The following ZKSCAN2 variants were observed in gnomAD, a reference collection of about 807,000 sequenced individuals.
ZKSCAN2 encodes the protein zinc finger protein with KRAB and SCAN domains 2.
Under a neutral mutation model 90.5 loss-of-function variants are expected in ZKSCAN2, and 38 were observed. That is an observed-to-expected ratio of 0.42 (90% CI 0.32 to 0.55). The LOEUF is 0.55. Ranked by LOEUF, ZKSCAN2 falls within the 20% of genes least tolerant of loss-of-function variation. ZKSCAN2 has a pLI of 0.11. For missense variants in ZKSCAN2, 1,167 were observed against 1,202.6 expected (o/e 0.97, Z 0.44); for synonymous variants, 429 against 421.6 (o/e 1.02, Z -0.22).
chr16:25,255,251 C>G lies in ZKSCAN2; in HGVS notation c.541G>C (p.Glu181Gln), dbSNP rs752627095. The change falls in exon 2 of 7, where the codon GAA becomes CAA. Residue 181 changes from glutamate (E) to glutamine (Q), a missense_variant. Transcript: ENST00000328086. ...CGTTCTCGCTTTCGGTTCAGCTGTT[C>G]CTGGTGTCCTGAGTGGAGGCTTCCA... ...EPGSLHSGHQ[E>Q]QLNRKRERRP... 1 of 1,610,900 alleles carries G rather than the reference C, an allele frequency of 6.2e-7. No individual in the cohort carries two copies. Among genetic ancestry groups the G allele is most frequent in the Non-Finnish European group, 8.5e-7 (1 of 1,179,346 alleles).
Position 25,257,404 on chromosome 16 carries a change from A to T in ZKSCAN2, c.-277T>A, listed in dbSNP as rs765967392. The T allele has an allele frequency of 2.8e-5, 32 of 1,152,752 alleles. No homozygotes were observed. Among genetic ancestry groups the T allele is most frequent in the Non-Finnish European group, 3.3e-5 (31 of 938,688 alleles). 71.4% of individuals were successfully genotyped at this position (1,152,752 alleles called of 1,614,324 possible). A position where few individuals can be genotyped will look rare whatever the true frequency, so the allele number is the denominator to read the frequency against. ...CCAGAGTGCATCCCTCTTAGTGCAA[A>T]GTCGGAAACCGGGAGGCTGGACGAC... On this transcript the variant is annotated 5_prime_UTR_variant, in exon 1 of 7. Coordinates refer to ENST00000328086, the MANE Select transcript of ZKSCAN2 (RefSeq NM_001012981.5).
chr16:25,247,520 T>C, intron 4 of ZKSCAN2, 130 bp from the exon 5 acceptor site: 1 of 688,524 alleles, frequency 1.5e-6, no homozygotes, highest in Admixed American at 2.9e-5. Context: ...ACACTGCACA[T>C]TTATTTTTAC....
At chr16:25,243,330 G>A (rs905581098) in intron 6 of ZKSCAN2, among the ~76,000 whole-genome samples, 6 of 152,106 alleles carry the variant, frequency 3.9e-5, no homozygotes, top group Non-Finnish European at 7.4e-5. Flanking sequence ...CATGAGAACA[G>A]GAACTTTGTT....
At chr16:25,242,567 T>G (rs1962870358) in intron 6 of ZKSCAN2, among the ~76,000 whole-genome samples, 1 of 151,868 alleles carries the variant, frequency 6.6e-6, no homozygotes, top group South Asian at 2.1e-4. Context: ...ACAGACAAAG[T>G]ATGGGAGGTG....
intron 5 of ZKSCAN2, 138 bp downstream of exon 5, chr16:25,246,569 G>T: frequency 2.4e-6 from 2 of 843,994 alleles, no homozygotes; most frequent in Non-Finnish European, 1.9e-6. Context: ...GAGTACTTCA[G>T]TGATGTGGCC....
intron 5 of ZKSCAN2, among the ~76,000 whole-genome samples, chr16:25,245,277 T>A (rs905101714): frequency 2.6e-5 from 4 of 152,108 alleles, no homozygotes; most frequent in African/African-American, 9.7e-5. Flanking sequence ...GCTAATTGTT[T>A]TATTTTTTGT....
chr16:25,257,537 C>T lies in ZKSCAN2; in HGVS notation c.-410G>A. ...GGTCGGGCGCGGAGAGGCGAGTCCC[C>T]GAGTGGGTGGGGCCGGATGTGCAGG... On this transcript the variant is annotated 5_prime_UTR_variant, in exon 1 of 7. Coordinates refer to ENST00000328086, the MANE Select transcript of ZKSCAN2 (RefSeq NM_001012981.5). 1.0e-6 allele frequency: 1 copy of T among 987,928 alleles called. No individual in the cohort carries two copies. The highest frequency in any genetic ancestry group is 1.2e-6 in the Non-Finnish European group (1 of 831,708). The allele number at this position is 987,928 out of a possible 1,614,324, so 61.2% of individuals were successfully genotyped here.
chr16:25,256,991 T>G lies in ZKSCAN2; in HGVS notation c.137A>C (p.Lys46Thr). 6.2e-7 allele frequency: 1 copy of G among 1,614,204 alleles called. No homozygotes were observed. Among genetic ancestry groups the G allele is most frequent in the Non-Finnish European group, 8.5e-7 (1 of 1,180,026 alleles). The change falls in exon 1 of 7, where the codon AAA (lysine) becomes ACA (threonine). Residue 46 changes from lysine to threonine, a missense_variant. Physicochemically the swap from Lys to Thr is moderately conservative, Grantham distance 78. Coordinates refer to ENST00000328086, the MANE Select transcript of ZKSCAN2 (RefSeq NM_001012981.5). ...CTCATAACAGAATTGCCTGAAGCATTTGCGGAAGGTCTCAGAGCTATCCGA... is the reference window on the plus strand; with the variant it reads ...CTCATAACAGAATTGCCTGAAGCATGTGCGGAAGGTCTCAGAGCTATCCGA... The part of the protein sequence containing the change: ...EGSDSSETFR[K>T]CFRQFCYEDV...
chr16:25,240,061 A>G lies in ZKSCAN2; in HGVS notation c.2659T>C (p.Tyr887His). 6.2e-7 allele frequency: 1 copy of G among 1,614,076 alleles called. No individual in the cohort carries two copies. Among genetic ancestry groups the G allele is most frequent in the Non-Finnish European group, 8.5e-7 (1 of 1,179,988 alleles). Residue 887 changes from tyrosine to histidine, a missense_variant, in exon 7 of 7, where the codon TAC becomes CAC. Tyr to His is a moderately conservative substitution (Grantham distance 83). Coordinates refer to ENST00000328086, the MANE Select transcript of ZKSCAN2 (RefSeq NM_001012981.5). The stretch of plus-strand genomic sequence containing the variant: ...CTTTTTTCACAGTCCACACATTTGT[A>G]GGGATTCTCCCCAGTGTGAACTCTC... ...HRRVHTGENP[Y>H]KCVDCEKSFN...
At chr16:25,255,144 G>T in intron 2 of ZKSCAN2, 62 bp downstream of exon 2, 1 of 1,511,916 alleles carries the variant, frequency 6.6e-7, no homozygotes. Context: ...TCACAGCGTT[G>T]GGGTACTGCG....
Position 25,257,591 on chromosome 16 carries a change from G to C in ZKSCAN2, c.-464C>G. 1 of 850,232 alleles carries C rather than the reference G, an allele frequency of 1.2e-6. No individual in the cohort carries two copies. Among genetic ancestry groups the C allele is most frequent in the Non-Finnish European group, 1.4e-6 (1 of 706,572 alleles). 52.7% of individuals were successfully genotyped at this position (850,232 alleles called of 1,614,324 possible). A position where few individuals can be genotyped will look rare whatever the true frequency, so the allele number is the denominator to read the frequency against. On this transcript the variant is annotated 5_prime_UTR_variant, in exon 1 of 7. Coordinates refer to ENST00000328086, the MANE Select transcript of ZKSCAN2 (RefSeq NM_001012981.5). ...CGCCCGGCGCCAGGTTCCGGGCTCGGGTCACCGCAGCACGTCCAGGCCGCC... is the reference window on the plus strand; with the variant it reads ...CGCCCGGCGCCAGGTTCCGGGCTCGCGTCACCGCAGCACGTCCAGGCCGCC...
rs544640469 is a variant in ZKSCAN2, at chr16:25,244,009, C to T, written c.1757G>A (p.Arg586Gln). 9.3e-6 allele frequency: 15 copies of T among 1,614,082 alleles called. No homozygotes were observed. Among genetic ancestry groups the T allele is most frequent in the Middle Eastern group, 1.6e-4 (1 of 6,062 alleles). Reference protein sequence around the residue: ...YKEMDALINSRASAPSPSTPE... With the variant: ...YKEMDALINSQASAPSPSTPE... ...GGTGCTGGGGGAAGGAGCAGATGCCCGAGAGTTAATCAGGGCATCCATCTC... is the reference window on the plus strand; with the variant it reads ...GGTGCTGGGGGAAGGAGCAGATGCCTGAGAGTTAATCAGGGCATCCATCTC... The change falls in exon 6 of 7, where the codon CGG (arginine) becomes CAG (glutamine). Residue 586 changes from arginine to glutamine, a missense_variant. Transcript: ENST00000328086.
intron 5 of ZKSCAN2, 75 bp from the exon 6 acceptor site, chr16:25,244,351 A>C (rs927527659): frequency 6.7e-7 from 1 of 1,486,834 alleles, no homozygotes; most frequent in Non-Finnish European, 9.0e-7. Context: ...TACATTAAGA[A>C]ATGTAGAGGT....
At chr16:25,256,131 C>T (rs369759584) in intron 1 of ZKSCAN2, among the ~76,000 whole-genome samples, 19 of 152,182 alleles carry the variant, frequency 1.2e-4, no homozygotes, top group Middle Eastern at 3.4e-3. Context: ...AAGGTGAAAC[C>T]GCAAATCTTG....
In ZKSCAN2 at chr16:25,240,005, A is replaced by T; in HGVS notation, c.2715T>A (p.His905Gln). The change falls in exon 7 of 7, where the codon CAT becomes CAA. Residue 905 changes from histidine (H) to glutamine (Q), a missense_variant. His to Gln is a conservative substitution (Grantham distance 24, BLOSUM62 0). Coordinates refer to ENST00000328086, the MANE Select transcript of ZKSCAN2 (RefSeq NM_001012981.5). ...SFNNCTRFRE[H>Q]RRIHTGEKPY... ...GCTTCTCTCCAGTGTGTATTCTCCG[A>T]TGTTCTCGAAATCTCGTACAGTTAT... 1 of 1,614,022 alleles carries T rather than the reference A, an allele frequency of 6.2e-7. No individual in the cohort carries two copies. Among genetic ancestry groups the T allele is most frequent in the African/African-American group, 1.3e-5 (1 of 75,006 alleles).
intron 4 of ZKSCAN2, among the ~76,000 whole-genome samples, chr16:25,248,711 G>C (rs1409589508): frequency 6.6e-6 from 1 of 152,146 alleles, no homozygotes. Context: ...CTGTGAATTG[G>C]GAAGAGTCAT....
rs751182407 is a variant in ZKSCAN2, at chr16:25,255,227, G to A, written c.565C>T (p.Arg189Cys). 3.7e-5 allele frequency: 60 copies of A among 1,608,066 alleles called. No homozygotes were observed. The highest frequency in any genetic ancestry group is 4.8e-5 in the Non-Finnish European group (57 of 1,178,362). The change falls in exon 2 of 7, where the codon CGT becomes TGT. Residue 189 changes from arginine to cysteine, a missense_variant. By Grantham distance (180) the Arg-to-Cys change is radical. Transcript: ENST00000328086. ...TTACCATTCTTGGGTAAGGGCCGACGTTCTCGCTTTCGGTTCAGCTGTTCC... is the reference window on the plus strand; with the variant it reads ...TTACCATTCTTGGGTAAGGGCCGACATTCTCGCTTTCGGTTCAGCTGTTCC... The part of the protein sequence containing the change: ...HQEQLNRKRE[R>C]RPLPKNARPS...
rs951328404 is a variant in ZKSCAN2, at chr16:25,257,595, A to C, written c.-468T>G. ...CGGCGCCAGGTTCCGGGCTCGGGTC[A>C]CCGCAGCACGTCCAGGCCGCCGCGG... On this transcript the variant is annotated 5_prime_UTR_variant, in exon 1 of 7. Transcript: ENST00000328086. 1 of 826,562 alleles carries C rather than the reference A, an allele frequency of 1.2e-6. No individual in the cohort carries two copies. The highest frequency in any genetic ancestry group is 1.5e-6 in the Non-Finnish European group (1 of 685,052). 51.2% of individuals were successfully genotyped at this position (826,562 alleles called of 1,614,324 possible).
chr16:25,240,203 G>A lies in ZKSCAN2; in HGVS notation c.2517C>T (p.Cys839=), dbSNP rs766696560. 3 of 1,614,014 alleles carry A rather than the reference G, an allele frequency of 1.9e-6. No individual in the cohort carries two copies. The highest frequency in any genetic ancestry group is 1.6e-4 in the Middle Eastern group (1 of 6,062). Residue 839 remains cysteine, a synonymous_variant, in exon 7 of 7, where the codon TGC becomes TGT. Transcript: ENST00000328086. ...TAATAAGACTAGAGCTCTGACTAAA[G>A]CATTTTCCACACTCTCCGCATCTGT... ...KPYRCGECGK[C]FSQSSSLIIH...
Sources: gnomAD v4.1 joint callset for allele counts (sites outside exome capture counted in the v4.1 genomes callset) on GRCh38, gnomAD v4.1.1 for gene constraint, MANE v1.5 for transcripts, NCBI Gene and HGNC (gene_info 2026-07-23, HGNC 2026-07-21) for gene names.